NCAM2: variants seen among roughly 807,000 people sequenced by gnomAD.
NCAM2 encodes the protein neural cell adhesion molecule 2.
NCAM2 carries 30 observed loss-of-function variants against 98.1 expected under a neutral mutation model. That is an observed-to-expected ratio of 0.31 (90% CI 0.23 to 0.41). NCAM2 has a LOEUF of 0.41. Among genes scored for constraint, NCAM2 ranks in the 10% least tolerant of loss-of-function variants. NCAM2 has a pLI of 1.00. For synonymous variants in NCAM2, 368 were observed against 342.4 expected, an observed-to-expected ratio of 1.07 and a Z score of -0.83; for missense variants, 867 against 1,005.8, an observed-to-expected ratio of 0.86 and a Z score of 1.87.
intron 1 of NCAM2, among the ~76,000 whole-genome samples, chr21:21,070,593 A>T (rs1351945972): frequency 6.6e-6 from 1 of 150,772 alleles, no homozygotes; most frequent in Non-Finnish European, 1.5e-5. Flanking sequence ...AAGTTGCACC[A>T]AGTTTGGGTC....
chr21:21,427,225 C>CA lies in NCAM2; in HGVS notation c.1481-4875dup, dbSNP rs200153906. On this transcript the variant is annotated intron_variant, in intron 11 of 17. Transcript: ENST00000400546. ...CCTGAGAAGAGAGTGGGATTGAAAA[C>CA]AAAAAAAAGAGATCTTTATAATTCA... 1.8e-3 allele frequency among the ~76,000 whole-genome samples: 275 copies of CA among 149,120 alleles called. 1 individual carries two copies. Among genetic ancestry groups the CA allele is most frequent in the African/African-American group, 3.5e-3 (142 of 40,672 alleles).
intron 15 of NCAM2, among the ~76,000 whole-genome samples, chr21:21,487,229 T>TA (rs1281460863): frequency 2.6e-5 from 4 of 152,180 alleles, no homozygotes; most frequent in African/African-American, 9.6e-5. Context: ...TATGCAGCCA[T>TA]AAAAATCAGA....
intron 1 of NCAM2, among the ~76,000 whole-genome samples, chr21:21,227,484 A>G (rs532375178): frequency 9.9e-5 from 15 of 152,006 alleles, no homozygotes; most frequent in South Asian, 2.1e-4. Context: ...GTTTATTGTT[A>G]GAAAGATCAA....
At chr21:21,167,553 C>T (rs2067991338) in intron 1 of NCAM2, among the ~76,000 whole-genome samples, 1 of 151,880 alleles carries the variant, frequency 6.6e-6, no homozygotes, top group Non-Finnish European at 1.5e-5. Flanking sequence ...GATAAGAGTA[C>T]TAAGATTGAC....
chr21:21,180,204 T>G (rs2068425347), intron 1 of NCAM2, among the ~76,000 whole-genome samples: 1 of 152,266 alleles, frequency 6.6e-6, no homozygotes, highest in Middle Eastern at 3.4e-3. Flanking sequence ...ACCTCAAAGT[T>G]ACACAGTGTT....
intron 8 of NCAM2, among the ~76,000 whole-genome samples, chr21:21,364,630 G>A (rs981421198): frequency 5.9e-5 from 9 of 151,606 alleles, no homozygotes; most frequent in African/African-American, 2.2e-4. Context: ...ACATGTATAT[G>A]TATACGTATA....
At chr21:21,133,665 A>T (rs985781228) in intron 1 of NCAM2, among the ~76,000 whole-genome samples, 5 of 152,216 alleles carry the variant, frequency 3.3e-5, no homozygotes, top group Non-Finnish European at 7.3e-5. Context: ...AAGATCTCAT[A>T]GAATTATTCT....
intron 15 of NCAM2, among the ~76,000 whole-genome samples, chr21:21,480,174 G>A (rs1400420401): frequency 1.3e-5 from 2 of 151,886 alleles, no homozygotes; most frequent in African/African-American, 4.8e-5. Flanking sequence ...AGACCATCCT[G>A]ACTAACACAG....
At chr21:21,143,023 C>T (rs912486016) in intron 1 of NCAM2, among the ~76,000 whole-genome samples, 1 of 152,040 alleles carries the variant, frequency 6.6e-6, no homozygotes, top group African/African-American at 2.4e-5. Context: ...ATATTTTTGC[C>T]GTTGTCCATT....
intron 16 of NCAM2, among the ~76,000 whole-genome samples, chr21:21,526,231 C>A (rs1338204958): frequency 6.6e-6 from 1 of 151,850 alleles, no homozygotes; most frequent in Non-Finnish European, 1.5e-5. Context: ...TGAAAAAAGT[C>A]TGAAAAAACA....
At position 21,034,052 on chromosome 21, in the gene NCAM2, A is replaced by AGC. The variant is rs1555874012; in HGVS notation, c.55+35435_55+35436insCG. Among the ~76,000 whole-genome samples the AGC allele has an allele frequency of 4.2e-5, 6 of 142,318 alleles. No individual in the cohort carries two copies. The East Asian group carries it at 1.1e-3, about 27-fold the overall frequency. 93.4% of individuals were successfully genotyped at this position (142,318 alleles called of 152,430 possible). ...AGGTTGTGAGATAAGAGATAGGCAA[A>AGC]GGGGGGGGGGAAACAAAGATTGAGA... On this transcript the variant is annotated intron_variant, in intron 1 of 17. Transcript: ENST00000400546.
chr21:21,256,573 A>G (rs1009974351), intron 1 of NCAM2, among the ~76,000 whole-genome samples: 9 of 152,164 alleles, frequency 5.9e-5, no homozygotes, highest in Non-Finnish European at 8.8e-5. Context: ...AGATTCTGTG[A>G]AAGTCCCCCT....
At chr21:21,233,437 T>G (rs532449901) in intron 1 of NCAM2, among the ~76,000 whole-genome samples, 13 of 151,768 alleles carry the variant, frequency 8.6e-5, no homozygotes, top group African/African-American at 2.4e-4. Flanking sequence ...ATATGTTTCT[T>G]AACTCCTTAG....
intron 12 of NCAM2, among the ~76,000 whole-genome samples, chr21:21,436,877 TCAGCCTCCCTAGTAGCTGAGATTA>T (rs894715656): frequency 1.3e-5 from 2 of 151,792 alleles, no homozygotes; most frequent in African/African-American, 4.8e-5. Flanking sequence ...TTCTCGTGCC[TCAGCCTCCCTAGTAGCTGAGATTA>T]CAGGTGTGCA....
At chr21:21,365,480 C>T (rs2075762989) in intron 8 of NCAM2, among the ~76,000 whole-genome samples, 1 of 151,548 alleles carries the variant, frequency 6.6e-6, no homozygotes, top group South Asian at 2.1e-4. Flanking sequence ...AAACATATAG[C>T]ACTCAAAATA....
chr21:21,330,621 T>C (rs1341047586), intron 6 of NCAM2, among the ~76,000 whole-genome samples: 1 of 152,072 alleles, frequency 6.6e-6, no homozygotes, highest in Non-Finnish European at 1.5e-5. Flanking sequence ...ATTGTGGAAG[T>C]CTTCTATATT....
At position 21,150,885 on chromosome 21, in the gene NCAM2, A is replaced by G. The variant is rs141588613; in HGVS notation, c.56-129693A>G. Among the ~76,000 whole-genome samples the G allele has an allele frequency of 1.3e-3, 191 of 152,016 alleles. 1 individual carries two copies. The highest frequency in any genetic ancestry group is 4.5e-3 in the African/African-American group (186 of 41,522). The stretch of plus-strand genomic sequence containing the variant: ...CTCTGTTGATTTTATGAAAAAGTTT[A>G]TAGAAGCTGGATGCTATTTTTTCTT... On this transcript the variant is annotated intron_variant, in intron 1 of 17. Transcript: ENST00000400546.
At chr21:21,380,757 C>T (rs2076136291) in intron 9 of NCAM2, among the ~76,000 whole-genome samples, 1 of 152,144 alleles carries the variant, frequency 6.6e-6, no homozygotes, top group Non-Finnish European at 1.5e-5. Flanking sequence ...TTCAAGATAA[C>T]TTTCTCATGT....
At chr21:21,385,611 A>T (rs2076255350) in intron 9 of NCAM2, 1 of 1,287,174 alleles carries the variant, frequency 7.8e-7, no homozygotes, top group Non-Finnish European at 1.0e-6. Context: ...CAGCTTAAAC[A>T]GATTTCTTGG....
Sources: allele counts gnomAD v4.1 joint callset (sites outside exome capture counted in the v4.1 genomes callset), GRCh38; gene constraint gnomAD v4.1.1; transcripts MANE v1.5; gene names NCBI Gene and HGNC (gene_info 2026-07-23, HGNC 2026-07-21).